Variants in LEKR1 observed in about 807,000 individuals in gnomAD.
The protein encoded by LEKR1 is protein LEKR1.
A neutral mutation model predicts 72.4 loss-of-function variants in LEKR1; 59 were observed. The ratio of observed to expected loss-of-function variants is 0.82; its 90% CI spans 0.66 to 1.01. The LOEUF (loss-of-function observed/expected upper bound fraction) is 1.01, where lower values mean the gene tolerates loss of function less well. LEKR1 is among the 50% of genes least tolerant of loss of function. The pLI is 0.00. For synonymous variants in LEKR1, 257 were observed against 263.2 expected, an observed-to-expected ratio of 0.98 and a Z score of 0.23; for missense variants, 728 against 759.2, an observed-to-expected ratio of 0.96 and a Z score of 0.48.
intron 3 of LEKR1, among the ~76,000 whole-genome samples, chr3:156,913,661 T>A (rs972188898): frequency 3.3e-5 from 5 of 152,206 alleles, no homozygotes; most frequent in African/African-American, 9.7e-5. Context: ...AAGTTGACTT[T>A]TGGAATAATG....
rs116773954 is a variant in LEKR1, at chr3:156,873,222, A to G, written c.263+20240A>G. Among the ~76,000 whole-genome samples, 123 of 152,158 alleles carry G rather than the reference A, an allele frequency of 8.1e-4. 1 individual carries two copies. Among genetic ancestry groups the G allele is most frequent in the African/African-American group, 2.8e-3 (117 of 41,554 alleles). ...TGACTTAAAGTCTGTTTTATCTGATATAAGTATAGCTACTCCTGTTCACTT... is the reference window on the plus strand; with the variant it reads ...TGACTTAAAGTCTGTTTTATCTGATGTAAGTATAGCTACTCCTGTTCACTT... On this transcript the variant is annotated intron_variant, in intron 3 of 12. Coordinates refer to ENST00000356539, the MANE Select transcript of LEKR1 (RefSeq NM_001004316.3).
At chr3:156,947,065 C>G (rs1477422835) in intron 6 of LEKR1, among the ~76,000 whole-genome samples, 1 of 150,648 alleles carries the variant, frequency 6.6e-6, no homozygotes, top group Non-Finnish European at 1.5e-5. Context: ...TTCAGGAGAC[C>G]AACTTTTCAT....
At chr3:156,922,789 A>G (rs1352592668) in intron 4 of LEKR1, among the ~76,000 whole-genome samples, 1 of 152,220 alleles carries the variant, frequency 6.6e-6, no homozygotes, top group Non-Finnish European at 1.5e-5. Context: ...TGAAATATAG[A>G]TATATTTCAC....
intron 5 of LEKR1, among the ~76,000 whole-genome samples, chr3:156,942,056 CCTT>C (rs1726258324): frequency 6.6e-6 from 1 of 151,944 alleles, no homozygotes; most frequent in Admixed American, 6.6e-5. Context: ...GACACTACAT[CCTT>C]CTGTCCACTC....
intron 3 of LEKR1, among the ~76,000 whole-genome samples, chr3:156,858,103 A>G (rs1445363424): frequency 6.6e-6 from 1 of 152,194 alleles, no homozygotes; most frequent in African/African-American, 2.4e-5. Context: ...GTTTTCTTGG[A>G]AAATCAAGCA....
At chr3:156,929,329 AT>A (rs1724998675) in intron 5 of LEKR1, among the ~76,000 whole-genome samples, 2 of 152,134 alleles carry the variant, frequency 1.3e-5, no homozygotes, top group Non-Finnish European at 2.9e-5. Flanking sequence ...CTAATGATGA[AT>A]GTTTGAGAAT....
chr3:157,030,779 G>A (rs1734548106), intron 12 of LEKR1, among the ~76,000 whole-genome samples: 1 of 152,150 alleles, frequency 6.6e-6, no homozygotes, highest in Admixed American at 6.6e-5. Flanking sequence ...AACTAGGATG[G>A]GATTGGCTTT....
In LEKR1 at chr3:157,045,302, A is replaced by G. The variant is rs1235254074; in HGVS notation, c.1669-38A>G. ...ACTATCTACTTATGTACATTGTTTA[A>G]AGCTAAGTCTGCTTTCTTTTCCCCT... On this transcript the variant is annotated intron_variant, in intron 12 of 12. Transcript: ENST00000356539. 5 of 1,548,344 alleles carry G rather than the reference A, an allele frequency of 3.2e-6. No individual in the cohort carries two copies. In the African/African-American group the frequency reaches 5.5e-5, roughly 17 times the overall value.
intron 10 of LEKR1, among the ~76,000 whole-genome samples, chr3:157,012,396 G>T (rs565846078): frequency 6.6e-6 from 1 of 152,180 alleles, no homozygotes; most frequent in Admixed American, 6.5e-5. Flanking sequence ...AACTTGTTTG[G>T]GTTTTATCAG....
At chr3:156,883,615 T>C (rs557544306) in intron 3 of LEKR1, among the ~76,000 whole-genome samples, 1 of 152,228 alleles carries the variant, frequency 6.6e-6, no homozygotes, top group Non-Finnish European at 1.5e-5. Context: ...TCCCCCATAC[T>C]GTTCTCATGG....
At chr3:156,870,226 A>C (rs1358714272) in intron 3 of LEKR1, among the ~76,000 whole-genome samples, 1 of 151,886 alleles carries the variant, frequency 6.6e-6, no homozygotes, top group Non-Finnish European at 1.5e-5. Context: ...ATTTTTTTCT[A>C]TCTCTGTGAA....
Position 156,992,568 on chromosome 3 carries a change from T to TC in LEKR1, c.828-84dup, listed in dbSNP as rs1168802415. The TC allele has an allele frequency of 3.0e-5, 7 of 233,582 alleles. No homozygotes were observed. In the Admixed American group the frequency reaches 3.5e-4, roughly 12 times the overall value. 14.5% of individuals were successfully genotyped at this position (233,582 alleles called of 1,614,324 possible). On this transcript the variant is annotated intron_variant, in intron 7 of 12. Coordinates refer to ENST00000356539, the MANE Select transcript of LEKR1 (RefSeq NM_001004316.3). ...AATATGAAGATGTTAAGAAATTTCTTCTATTGATGAGTAAAATAATGCTAC... is the reference window on the plus strand; with the variant it reads ...AATATGAAGATGTTAAGAAATTTCTTCCTATTGATGAGTAAAATAATGCTAC...
At position 156,993,167 on chromosome 3, in the gene LEKR1, G is replaced by C; in HGVS notation, c.999G>C (p.Lys333Asn). Residue 333 changes from lysine (K) to asparagine (N), a missense_variant, in exon 9 of 13, where the codon AAG becomes AAC. By Grantham distance (94) the Lys-to-Asn change is moderately conservative. Coordinates refer to ENST00000356539, the MANE Select transcript of LEKR1 (RefSeq NM_001004316.3). ...AGGAAGAGCTGACTGTGAAAGAAAA[G>C]CAAGAAGAAGACATAAAGAGAAGAA... ...ALQEELTVKEKQEEDIKRRIN... is the reference protein window; with the variant it reads ...ALQEELTVKENQEEDIKRRIN... 9 of 1,612,246 alleles carry C rather than the reference G, an allele frequency of 5.6e-6. No homozygotes were observed. Among genetic ancestry groups the C allele is most frequent in the Non-Finnish European group, 7.6e-6 (9 of 1,178,710 alleles).
intron 10 of LEKR1, among the ~76,000 whole-genome samples, chr3:157,014,596 T>C (rs1733159370): frequency 6.6e-6 from 1 of 152,150 alleles, no homozygotes; most frequent in South Asian, 2.1e-4. Flanking sequence ...ATTTATAAAA[T>C]ATCAATTTTA....
intron 5 of LEKR1, among the ~76,000 whole-genome samples, chr3:156,928,575 A>C (rs1298639105): frequency 1.3e-5 from 2 of 152,210 alleles, no homozygotes; most frequent in Middle Eastern, 3.4e-3. Flanking sequence ...GAAGCTAAAA[A>C]TCTGATAGAA....
intron 4 of LEKR1, among the ~76,000 whole-genome samples, chr3:156,922,444 A>G (rs1260235531): frequency 7.2e-5 from 11 of 152,034 alleles, no homozygotes; most frequent in African/African-American, 2.7e-4. Flanking sequence ...AGGGAAAGAA[A>G]CATGAGCTTT....
intron 5 of LEKR1, among the ~76,000 whole-genome samples, chr3:156,941,309 C>G (rs1726179583): frequency 6.6e-6 from 1 of 152,012 alleles, no homozygotes; most frequent in Non-Finnish European, 1.5e-5. Context: ...CACTTTTTCT[C>G]CCAGACATGC....
chr3:156,867,770 A>G (rs1175387731), intron 3 of LEKR1, among the ~76,000 whole-genome samples: 1 of 152,060 alleles, frequency 6.6e-6, no homozygotes, highest in Non-Finnish European at 1.5e-5. Context: ...TAGAAACTAT[A>G]TCTTTATCTG....
At chr3:156,863,790 G>T (rs868193579) in intron 3 of LEKR1, among the ~76,000 whole-genome samples, 1 of 152,014 alleles carries the variant, frequency 6.6e-6, no homozygotes, top group African/African-American at 2.4e-5. Flanking sequence ...GCTATGGTAA[G>T]TTATGGTAGA....
Sources: allele counts gnomAD v4.1 joint callset (sites outside exome capture counted in the v4.1 genomes callset), GRCh38; gene constraint gnomAD v4.1.1; transcripts MANE v1.5; gene names NCBI Gene and HGNC (gene_info 2026-07-23, HGNC 2026-07-21).